Variants in SLC44A5 observed in about 807,000 individuals in gnomAD.
The protein encoded by SLC44A5 is choline transporter-like protein 5.
SLC44A5 carries 57 observed loss-of-function variants against 101.8 expected under a neutral mutation model. The ratio of observed to expected loss-of-function variants is 0.56; its 90% confidence interval spans 0.45 to 0.70. The LOEUF is 0.70. Among genes scored for constraint, SLC44A5 ranks in the 30% least tolerant of loss-of-function variants. The pLI, the probability that SLC44A5 is intolerant of heterozygous loss-of-function variation, is 0.00. For missense variants in SLC44A5, 737 were observed against 853.1 expected, an observed-to-expected ratio of 0.86 and a Z score of 1.70; for synonymous variants, 281 against 290.9, an observed-to-expected ratio of 0.97 and a Z score of 0.35.
intron 1 of SLC44A5, 105 bp downstream of exon 1, chr1:75,610,927 ATGTGTGTG>A: frequency 4.6e-6 from 1 of 218,674 alleles, no homozygotes; most frequent in Non-Finnish European, 7.7e-6. Flanking sequence ...CACTATATAT[ATGTGTGTG>A]TGTGTGTGTA....
intron 2 of SLC44A5, among the ~76,000 whole-genome samples, chr1:75,449,125 T>C (rs955337431): frequency 7.2e-5 from 11 of 152,214 alleles, no homozygotes; most frequent in Non-Finnish European, 1.6e-4. Flanking sequence ...CCAGACATTG[T>C]CAAATCCCCT....
intron 23 of SLC44A5, among the ~76,000 whole-genome samples, chr1:75,207,733 A>G (rs986777072): frequency 2.0e-5 from 3 of 152,164 alleles, no homozygotes; most frequent in South Asian, 2.1e-4. Flanking sequence ...GCTTTCTACA[A>G]TTTCACTTTC....
chr1:75,491,704 T>C lies in SLC44A5; in HGVS notation c.13+49731A>G, dbSNP rs141394419. On this transcript the variant is annotated intron_variant, in intron 2 of 23. Coordinates refer to ENST00000370859, the MANE Select transcript of SLC44A5 (RefSeq NM_001130058.2). The stretch of plus-strand genomic sequence containing the variant: ...TTTAATAAACTCATACACTTGTGCA[T>C]ACATACACACACAAGCACGCACGCA... Among the ~76,000 whole-genome samples, 29 of 151,516 alleles carry C rather than the reference T, an allele frequency of 1.9e-4. 2 individuals are homozygous for C. The East Asian group carries it at 5.2e-3, about 27-fold the overall frequency.
chr1:75,707,859 C>A, the SLC44A5 span, among the ~76,000 whole-genome samples: 1 of 151,782 alleles, frequency 6.6e-6, no homozygotes, highest in Non-Finnish European at 1.5e-5. Flanking sequence ...GACTATTAAT[C>A]AAAACATGCA....
intron 2 of SLC44A5, among the ~76,000 whole-genome samples, chr1:75,440,205 T>C (rs1268672171): frequency 6.6e-6 from 1 of 152,008 alleles, no homozygotes; most frequent in African/African-American, 2.4e-5. Flanking sequence ...GCAAATAGAA[T>C]AGAAAAGGGA....
intron 3 of SLC44A5, among the ~76,000 whole-genome samples, chr1:75,393,161 T>C (rs1358963425): frequency 1.3e-5 from 2 of 152,104 alleles, no homozygotes; most frequent in African/African-American, 2.4e-5. Context: ...GAATCTAAAA[T>C]AAAATTTGAA....
chr1:75,348,158 CTCTT>C, intron 3 of SLC44A5, among the ~76,000 whole-genome samples: 1 of 152,084 alleles, frequency 6.6e-6, no homozygotes, highest in East Asian at 1.9e-4. Context: ...TCCTCTCTCT[CTCTT>C]TCTCTCTCTC....
chr1:75,322,450 A>T lies in SLC44A5; in HGVS notation c.101+17132T>A, dbSNP rs1287640197. On this transcript the variant is annotated intron_variant, in intron 4 of 23. Transcript: ENST00000370859. ...TGGTCTGTAATGATTTCAAATTAGC[A>T]CGGTGATCATTATATGCTGGTGTGT... 2.0e-5 allele frequency among the ~76,000 whole-genome samples: 3 copies of T among 152,132 alleles called. No homozygotes were observed. The East Asian group carries it at 5.8e-4, about 29-fold the overall frequency.
At chr1:75,498,309 A>G (rs971623841) in intron 2 of SLC44A5, among the ~76,000 whole-genome samples, 8 of 152,148 alleles carry the variant, frequency 5.3e-5, no homozygotes, top group African/African-American at 1.9e-4. Context: ...CCTTTCCCAC[A>G]TATCTAATCT....
intron 2 of SLC44A5, among the ~76,000 whole-genome samples, chr1:75,478,375 A>G (rs1211636157): frequency 6.6e-6 from 1 of 152,210 alleles, no homozygotes; most frequent in South Asian, 2.1e-4. Flanking sequence ...TAACATCATA[A>G]TGACAGGATC....
intron 2 of SLC44A5, among the ~76,000 whole-genome samples, chr1:75,512,279 A>G (rs1328741899): frequency 6.6e-6 from 1 of 152,134 alleles, no homozygotes. Flanking sequence ...AAAACCAGAA[A>G]TCCCTTTCAT....
intron 1 of SLC44A5, among the ~76,000 whole-genome samples, chr1:75,571,675 TATG>T (rs1673082213): frequency 6.6e-6 from 1 of 152,192 alleles, no homozygotes. Flanking sequence ...TAAGCCAAAC[TATG>T]ATGTTTGGTA....
At chr1:75,605,785 A>C (rs1013015341) in intron 1 of SLC44A5, among the ~76,000 whole-genome samples, 12 of 152,210 alleles carry the variant, frequency 7.9e-5, no homozygotes, top group South Asian at 4.1e-4. Context: ...GCTGTGTCTC[A>C]TCTAAACACA....
At chr1:75,487,949 C>T (rs1392769622) in intron 2 of SLC44A5, among the ~76,000 whole-genome samples, 2 of 152,146 alleles carry the variant, frequency 1.3e-5, no homozygotes, top group Non-Finnish European at 2.9e-5. Context: ...GCTCTGCCTC[C>T]TGTCAGATTG....
At chr1:75,442,556 T>A (rs1665271180) in intron 2 of SLC44A5, among the ~76,000 whole-genome samples, 1 of 152,160 alleles carries the variant, frequency 6.6e-6, no homozygotes, top group South Asian at 2.1e-4. Flanking sequence ...CTTGATATCT[T>A]CTTCAGGAAG....
chr1:75,479,437 C>A (rs1029583738), intron 2 of SLC44A5, among the ~76,000 whole-genome samples: 11 of 152,024 alleles, frequency 7.2e-5, no homozygotes, highest in African/African-American at 2.7e-4. Context: ...CACAAAAAAC[C>A]CTTCAAAAAT....
chr1:75,659,600 G>A, the SLC44A5 span, among the ~76,000 whole-genome samples: 2 of 130,050 alleles, frequency 1.5e-5, no homozygotes, highest in African/African-American at 6.1e-5. Context: ...GACCAGCCTT[G>A]GCAACATTGC....
intron 1 of SLC44A5, among the ~76,000 whole-genome samples, chr1:75,601,491 C>A (rs1423849619): frequency 1.3e-5 from 2 of 152,068 alleles, no homozygotes; most frequent in East Asian, 3.9e-4. Flanking sequence ...ATGCAACAAA[C>A]CTGCACATTC....
chr1:75,648,135 C>T, the SLC44A5 span, among the ~76,000 whole-genome samples: 1 of 152,074 alleles, frequency 6.6e-6, no homozygotes, highest in Non-Finnish European at 1.5e-5. Flanking sequence ...GGGAACAATT[C>T]CATTCTGTTC....
Sources: gnomAD v4.1 joint callset for allele counts (sites outside exome capture counted in the v4.1 genomes callset) on GRCh38, gnomAD v4.1.1 for gene constraint, MANE v1.5 for transcripts, NCBI Gene and HGNC (gene_info 2026-07-23, HGNC 2026-07-21) for gene names.